Variants in CYBB observed in about 807,000 individuals in gnomAD.
CYBB encodes the protein cytochrome b-245 beta chain.
In CYBB, 5 loss-of-function variants were observed where a neutral mutation model predicts 46.5. That is an observed-to-expected ratio of 0.11 (90% CI 0.06 to 0.23). The LOEUF is 0.23. Ranked by LOEUF, CYBB falls within the 10% of genes least tolerant of loss-of-function variation. The pLI is 1.00. For synonymous variants in CYBB, 183 were observed against 156.7 expected (o/e 1.17, Z -1.26); for missense variants, 307 against 428.3 (o/e 0.72, Z 2.50).
Position 37,793,768 on chromosome X carries a change from G to A in CYBB, c.441G>A (p.Arg147=). Reference sequence around the variant, plus strand: ...TAGCACTCTCTGAACTTGGAGACAGGCAAAATGAAAGTTATCTCAATTTTG... The same window carrying A: ...TAGCACTCTCTGAACTTGGAGACAGACAAAATGAAAGTTATCTCAATTTTG... ...YSVALSELGD[R]QNESYLNFAR... is the part of the protein sequence containing the mutation. The change falls in exon 5 of 13, where the codon AGG becomes AGA. Residue 147 remains arginine, a synonymous_variant. Transcript: ENST00000378588. 8.3e-7 allele frequency: 1 copy of A among 1,208,548 alleles called. No individual in the cohort carries two copies. The highest frequency in any genetic ancestry group is 3.0e-5 in the East Asian group (1 of 33,788).
chrX:37,794,708 ACTT>A (rs1468005401), intron 5 of CYBB, among the ~76,000 whole-genome samples: 4 of 111,356 alleles, frequency 3.6e-5, no homozygotes, highest in African/African-American at 1.3e-4. Context: ...AGAAGTAAGA[ACTT>A]CTTCTATCCC....
intron 8 of CYBB, among the ~76,000 whole-genome samples, chrX:37,802,140 C>G (rs1217737508): frequency 8.9e-6 from 1 of 111,844 alleles, no homozygotes; most frequent in Non-Finnish European, 1.9e-5. Flanking sequence ...GCAAAACACA[C>G]AAATTCTTCC....
In CYBB at chrX:37,801,249, A is replaced by T; in HGVS notation, c.805-7A>T. ...GTATCTCATTTTCATTTTTGCTCTG[A>T]TTACAGACTTGGAAATGGATAGTGG... is the stretch of plus-strand genomic sequence containing the variant. On this transcript the variant is annotated splice_region_variant and splice_polypyrimidine_tract_variant and intron_variant, in intron 7 of 12. Transcript: ENST00000378588. The T allele has an allele frequency of 8.4e-7, 1 of 1,185,271 alleles. No individual in the cohort carries two copies. The highest frequency in any genetic ancestry group is 3.0e-5 in the East Asian group (1 of 33,633).
chrX:37,792,778 G>A (rs1416284951), intron 4 of CYBB, among the ~76,000 whole-genome samples: 1 of 110,728 alleles, frequency 9.0e-6, no homozygotes, highest in African/African-American at 3.3e-5. Flanking sequence ...TAGATTACAG[G>A]CATTTAACTG....
At chrX:37,788,006 T>C (rs188522281) in intron 3 of CYBB, among the ~76,000 whole-genome samples, 2 of 112,161 alleles carry the variant, frequency 1.8e-5, no homozygotes, top group African/African-American at 6.5e-5. Flanking sequence ...TTACATTAAC[T>C]AGCTTTTTAA....
intron 3 of CYBB, among the ~76,000 whole-genome samples, chrX:37,787,001 G>T (rs1602176297): frequency 9.0e-6 from 1 of 111,257 alleles, no homozygotes; most frequent in Non-Finnish European, 1.9e-5. Flanking sequence ...CTGTCAATTA[G>T]TGAGTTGTCA....
At chrX:37,780,263 A>G (rs782389031) in intron 1 of CYBB, 141 bp downstream of exon 1, 3 of 514,881 alleles carry the variant, frequency 5.8e-6, no homozygotes, top group Non-Finnish European at 1.0e-5. Context: ...CTATCTGTAA[A>G]CAGACTGAGT....
chrX:37,810,734 C>T (rs1929655269), intron 12 of CYBB, 57 bp from the exon 13 acceptor site: 1 of 1,167,642 alleles, frequency 8.6e-7, no homozygotes, highest in Non-Finnish European at 1.2e-6. Context: ...CACCTACCTG[C>T]TTTGTAGACA....
At chrX:37,787,601 G>A (rs1281848506) in intron 3 of CYBB, among the ~76,000 whole-genome samples, 1 of 111,836 alleles carries the variant, frequency 8.9e-6, no homozygotes, top group African/African-American at 3.3e-5. Flanking sequence ...AGTAAAGTAA[G>A]TTAGTAAGGA....
chrX:37,782,431 T>C (rs1928971466), intron 2 of CYBB, among the ~76,000 whole-genome samples: 1 of 112,353 alleles, frequency 8.9e-6, no homozygotes, highest in Admixed American at 9.4e-5. Context: ...TGCCATTGTT[T>C]AGCTTAAAGG....
At chrX:37,786,415 T>C (rs1929067387) in intron 3 of CYBB, among the ~76,000 whole-genome samples, 2 of 111,998 alleles carry the variant, frequency 1.8e-5, no homozygotes, top group South Asian at 7.3e-4. Context: ...TATATGAGTG[T>C]TTGAGCATGC....
chrX:37,801,365 T>C lies in CYBB; in HGVS notation c.897+17T>C, dbSNP rs1285015671. The C allele has an allele frequency of 9.3e-7, 1 of 1,069,945 alleles. No individual in the cohort carries two copies. The highest frequency in any genetic ancestry group is 1.3e-6 in the Non-Finnish European group (1 of 767,616). The allele number at this position is 1,069,945 out of a possible 1,213,427, so 88.2% of individuals were successfully genotyped here. A position where few individuals can be genotyped will look rare whatever the true frequency, so the allele number is the denominator to read the frequency against. ...ATCACCAAGGTACTGATTGGTTTAG[T>C]AATTACTAGTGGTCAGTGTCTAACT... On this transcript the variant is annotated intron_variant, in intron 8 of 12. Coordinates refer to ENST00000378588, the MANE Select transcript of CYBB (RefSeq NM_000397.4).
intron 9 of CYBB, among the ~76,000 whole-genome samples, chrX:37,804,745 G>T (rs1172460273): frequency 9.2e-6 from 1 of 108,418 alleles, no homozygotes; most frequent in Non-Finnish European, 1.9e-5. Flanking sequence ...GTGAAGAGGG[G>T]TGGGGAGATT....
intron 6 of CYBB, among the ~76,000 whole-genome samples, chrX:37,796,814 A>C (rs782364598): frequency 1.8e-5 from 2 of 111,842 alleles, no homozygotes; most frequent in African/African-American, 6.5e-5. Context: ...TGGAGCTAAA[A>C]TGTTAAAATA....
At chrX:37,801,110 T>C in intron 7 of CYBB, 146 bp from the exon 8 acceptor site, 3 of 499,050 alleles carry the variant, frequency 6.0e-6, no homozygotes, top group Non-Finnish European at 1.1e-5. Flanking sequence ...ATATATTCCA[T>C]TGTAGAAGAA....
intron 3 of CYBB, among the ~76,000 whole-genome samples, chrX:37,790,494 T>C (rs1445727081): frequency 1.8e-5 from 2 of 112,197 alleles, no homozygotes; most frequent in African/African-American, 6.5e-5. Flanking sequence ...TTGCATTAAA[T>C]GAGTAATGAT....
At position 37,796,083 on chromosome X, in the gene CYBB, T is replaced by C; in HGVS notation, c.616T>C (p.Trp206Arg). The change falls in exon 6 of 13, where the codon TGG becomes CGG. Residue 206 changes from tryptophan to arginine, a missense_variant. By Grantham distance (101) the Trp-to-Arg change is moderately radical (BLOSUM62 -3). This residue lies in a region of CYBB where 82 missense variants were observed against 69.9 expected (regional missense o/e 1.17). Coordinates refer to ENST00000378588, the MANE Select transcript of CYBB (RefSeq NM_000397.4). ...CCGGAGGTCTTACTTTGAAGTCTTTTGGTACACACATCATCTCTTTGTGAT... is the reference window on the plus strand; with the variant it reads ...CCGGAGGTCTTACTTTGAAGTCTTTCGGTACACACATCATCTCTTTGTGAT... ...TIRRSYFEVF[W>R]YTHHLFVIFF... is the part of the protein sequence containing the mutation. The C allele has an allele frequency of 8.3e-7, 1 of 1,210,462 alleles. No individual in the cohort carries two copies. The highest frequency in any genetic ancestry group is 1.1e-6 in the Non-Finnish European group (1 of 894,323).
At chrX:37,810,654 T>C in intron 12 of CYBB, 137 bp from the exon 13 acceptor site, 1 of 591,664 alleles carries the variant, frequency 1.7e-6, no homozygotes, top group South Asian at 2.4e-5. Flanking sequence ...ATATGATCCC[T>C]TTGCTATTTG....
chrX:37,783,758 G>A (rs1237360362), intron 3 of CYBB, among the ~76,000 whole-genome samples, 158 bp downstream of exon 3: 2 of 110,152 alleles, frequency 1.8e-5, no homozygotes, highest in Non-Finnish European at 3.8e-5. Flanking sequence ...TGTGCTATTT[G>A]GGGATGGAGC....
Sources: allele counts gnomAD v4.1 joint callset (sites outside exome capture counted in the v4.1 genomes callset), GRCh38; gene constraint gnomAD v4.1.1; regional missense constraint gnomAD v4.1.1; transcripts MANE v1.5; gene names NCBI Gene and HGNC (gene_info 2026-07-23, HGNC 2026-07-21).